The following PIP5K1C variants were observed in gnomAD, a reference collection of about 807,000 sequenced individuals.
The protein encoded by PIP5K1C is phosphatidylinositol 4-phosphate 5-kinase type-1 gamma.
PIP5K1C carries 45 observed loss-of-function variants against 80.1 expected under a neutral mutation model. The ratio of observed to expected loss-of-function variants is 0.56; its 90% CI spans 0.44 to 0.72. The LOEUF (loss-of-function observed/expected upper bound fraction) is 0.72, where lower values mean the gene tolerates loss of function less well. PIP5K1C is among the 30% of genes least tolerant of loss of function. PIP5K1C has a pLI of 0.00. For missense variants in PIP5K1C, 753 were observed against 954.6 expected (o/e 0.79, Z 2.78); for synonymous variants, 498 against 420.1 (o/e 1.19, Z -2.27).
chr19:3,640,540 T>C (rs2145391045), intron 15 of PIP5K1C, among the ~76,000 whole-genome samples: 1 of 152,200 alleles, frequency 6.6e-6, no homozygotes, highest in Non-Finnish European at 1.5e-5. Context: ...TAACAGCAGC[T>C]GACACCATAT....
In PIP5K1C at chr19:3,697,503, AGGGAGGACCAAGCTGGACCC is replaced by A. The variant is rs1568367109; in HGVS notation, c.94+2774_94+2793del. On this transcript the variant is annotated intron_variant, in intron 1 of 17. Transcript: ENST00000335312. ...GGACCGGGGAGGACCGAGCTGGACCAGGGAGGACCAAGCTGGACCCGGGAGGACCAAGCTGGACCCGGGAG... is the reference window on the plus strand; with the variant it reads ...GGACCGGGGAGGACCGAGCTGGACCAGGGAGGACCAAGCTGGACCCGGGAG... Among the ~76,000 whole-genome samples, 19 of 146,474 alleles carry A rather than the reference AGGGAGGACCAAGCTGGACCC, an allele frequency of 1.3e-4. No homozygotes were observed. In the South Asian group the frequency reaches 2.5e-3, roughly 19 times the overall value.
At chr19:3,657,438 G>A (rs925592839) in intron 5 of PIP5K1C, among the ~76,000 whole-genome samples, 2 of 152,138 alleles carry the variant, frequency 1.3e-5, no homozygotes, top group South Asian at 2.1e-4. Context: ...CTAACTGGTC[G>A]CCATTGGTGT....
intron 1 of PIP5K1C, among the ~76,000 whole-genome samples, chr19:3,690,542 A>G (rs889269754): frequency 2.0e-5 from 3 of 152,160 alleles, no homozygotes; most frequent in African/African-American, 7.2e-5. Context: ...TAAAAGTCTT[A>G]GCAGAATTTA....
chr19:3,633,095 G>A lies in PIP5K1C; in HGVS notation c.*72C>T. ...ATCTCCCGAGCTCTGGGCCTCAGCG[G>A]GGTGGGCAGCGCCTTCGGGGGCAGC... On this transcript the variant is annotated 3_prime_UTR_variant, in exon 18 of 18. Transcript: ENST00000335312. 1.4e-6 allele frequency: 1 copy of A among 724,206 alleles called. No individual in the cohort carries two copies. The highest frequency in any genetic ancestry group is 2.6e-6 in the Non-Finnish European group (1 of 389,756). 44.9% of individuals were successfully genotyped at this position (724,206 alleles called of 1,614,324 possible). A position where few individuals can be genotyped will look rare whatever the true frequency, so the allele number is the denominator to read the frequency against.
intron 14 of PIP5K1C, 118 bp downstream of exon 14, chr19:3,642,789 A>C (rs1414718942): frequency 1.2e-6 from 1 of 849,782 alleles, no homozygotes; most frequent in East Asian, 2.4e-5. Context: ...TACAATCTTA[A>C]ATCTGTCCCC....
intron 14 of PIP5K1C, among the ~76,000 whole-genome samples, chr19:3,642,052 C>T (rs1158592281): frequency 2.6e-5 from 4 of 152,150 alleles, no homozygotes; most frequent in African/African-American, 7.2e-5. Flanking sequence ...ATGGCAGCCC[C>T]GACCGGTGTG....
chr19:3,687,575 G>T (rs374028037), intron 1 of PIP5K1C, among the ~76,000 whole-genome samples: 1 of 147,714 alleles, frequency 6.8e-6, no homozygotes, highest in Non-Finnish European at 1.5e-5. Context: ...ACATGCACAC[G>T]CACACACATG....
Position 3,637,548 on chromosome 19 carries a change from G to A in PIP5K1C, c.1920+1336C>T, listed in dbSNP as rs1485531128. The stretch of plus-strand genomic sequence containing the variant: ...TGCGGTCACTTACAGTCCCCGAGGC[G>A]CTCAGCGTCACGGCCCGCAGTCGGC... On this transcript the variant is annotated intron_variant, in intron 16 of 17. Transcript: ENST00000335312. The surrounding 1 kb of genome is among the most constrained non-coding windows in gnomAD (Gnocchi z 7.0). 2.1e-5 allele frequency: 32 copies of A among 1,534,000 alleles called. No individual in the cohort carries two copies. Among genetic ancestry groups the A allele is most frequent in the African/African-American group, 2.7e-5 (2 of 72,804 alleles).
intron 1 of PIP5K1C, among the ~76,000 whole-genome samples, chr19:3,700,076 C>A: frequency 6.6e-6 from 1 of 152,110 alleles, no homozygotes; most frequent in Non-Finnish European, 1.5e-5. Context: ...CGCCCCCGGC[C>A]CGGGAGCGGT....
chr19:3,682,089 G>A (rs541517097), intron 1 of PIP5K1C, among the ~76,000 whole-genome samples: 115 of 152,236 alleles, frequency 7.6e-4, no homozygotes, highest in African/African-American at 2.6e-3. Flanking sequence ...AAAAGGCATC[G>A]TGGGCCAGGC....
At chr19:3,647,600 G>C (rs2034285877) in intron 9 of PIP5K1C, among the ~76,000 whole-genome samples, 1 of 152,156 alleles carries the variant, frequency 6.6e-6, no homozygotes, top group East Asian at 1.9e-4. Context: ...CCACCCCAGA[G>C]AACCATCTGG....
intron 5 of PIP5K1C, among the ~76,000 whole-genome samples, chr19:3,660,654 A>C (rs2034802603): frequency 2.6e-5 from 4 of 152,182 alleles, no homozygotes; most frequent in Admixed American, 2.6e-4. Context: ...AGGCTGCAGA[A>C]GACTATACCA....
rs572971418 is a variant in PIP5K1C at position 3,663,488 on chromosome 19, C to T, written c.219+1334G>A. On this transcript the variant is annotated intron_variant, in intron 3 of 17. Transcript: ENST00000335312. ...ATAACATACAAACGGCCCTGAAGCC[C>T]GCAAAGACGCTCCATGCCACTGGGC... Among the ~76,000 whole-genome samples, 8 of 152,262 alleles carry T rather than the reference C, an allele frequency of 5.3e-5. No individual in the cohort carries two copies. In the South Asian group the frequency reaches 6.2e-4, roughly 12 times the overall value.
chr19:3,643,794 G>C (rs2034087833), intron 12 of PIP5K1C, among the ~76,000 whole-genome samples: 1 of 151,584 alleles, frequency 6.6e-6, no homozygotes, highest in Non-Finnish European at 1.5e-5. Context: ...TCATTCCCTA[G>C]CCTGGGGGCT....
chr19:3,659,320 G>A (rs976461227), intron 5 of PIP5K1C, among the ~76,000 whole-genome samples: 2 of 152,224 alleles, frequency 1.3e-5, no homozygotes, highest in East Asian at 1.9e-4. Context: ...CTCCTGAGAT[G>A]AGCAGAAGGA....
At position 3,652,008 on chromosome 19, in the gene PIP5K1C, C is replaced by A. The variant is rs1236496949; in HGVS notation, c.945G>T (p.Met315Ile). 2 of 1,613,078 alleles carry A rather than the reference C, an allele frequency of 1.2e-6. No homozygotes were observed. The highest frequency in any genetic ancestry group is 1.7e-6 in the Non-Finnish European group (2 of 1,179,994). The change falls in exon 8 of 18, where the codon ATG becomes ATT. Residue 315 changes from methionine (M) to isoleucine (I), a missense_variant. Physicochemically the swap from Met to Ile is conservative, Grantham distance 10. Coordinates refer to ENST00000335312, the MANE Select transcript of PIP5K1C (RefSeq NM_012398.3). ...DCLVLESFKI[M>I]DYSLLLGVHN... ...GCACGCCCAGCAGCAGGCTGTAGTC[C>A]ATGATCTTGAAACTTTCCAGGACCT... is the stretch of plus-strand genomic sequence containing the variant.
chr19:3,689,251 G>C (rs1441422727), intron 1 of PIP5K1C, among the ~76,000 whole-genome samples: 10 of 152,164 alleles, frequency 6.6e-5, no homozygotes, highest in Non-Finnish European at 1.2e-4. Context: ...TCGACTGGCT[G>C]ATGGAAACAT....
rs376089499 is a variant in PIP5K1C at position 3,681,149 on chromosome 19, C to T, written c.95-13796G>A. Among the ~76,000 whole-genome samples the T allele has an allele frequency of 6.2e-4, 94 of 151,568 alleles. 1 individual carries two copies. Among genetic ancestry groups the T allele is most frequent in the African/African-American group, 2.2e-3 (90 of 41,304 alleles). The stretch of plus-strand genomic sequence containing the variant: ...GAGGTATGTGGGATGGGAGTGGGGG[C>T]GGGCAGGGTGTTCCTGACACTATTC... On this transcript the variant is annotated intron_variant, in intron 1 of 17. Coordinates refer to ENST00000335312, the MANE Select transcript of PIP5K1C (RefSeq NM_012398.3).
rs1260244937 is a variant in PIP5K1C at position 3,637,496 on chromosome 19, C to T, written c.1920+1388G>A. 4 of 1,535,544 alleles carry T rather than the reference C, an allele frequency of 2.6e-6. No individual in the cohort carries two copies. In the African/African-American group the frequency reaches 5.5e-5, roughly 21 times the overall value. ...GCGGCTCCCTGCTGCCCGAGGGGCA[C>T]TGCCCCTTCTCCCCAGGGTGGCCGG... On this transcript the variant is annotated intron_variant, in intron 16 of 17. Transcript: ENST00000335312. This position sits in a 1 kb window ranked among gnomAD's most constrained non-coding sequence, Gnocchi z 7.0.
Sources: gnomAD v4.1 joint callset for allele counts (sites outside exome capture counted in the v4.1 genomes callset) on GRCh38, gnomAD v4.1.1 for gene constraint, Gnocchi (gnomAD v3.1) non-coding constraint, MANE v1.5 for transcripts, NCBI Gene and HGNC (gene_info 2026-07-23, HGNC 2026-07-21) for gene names.